The following NUP210 variants were observed in gnomAD, a reference collection of about 807,000 sequenced individuals.
The protein encoded by NUP210 is nucleoporin 210, also known as nuclear pore membrane glycoprotein 210.
NUP210 carries 151 observed loss-of-function variants against 196.0 expected under a neutral mutation model. That is an observed-to-expected ratio of 0.77 (90% CI 0.67 to 0.88). The LOEUF (loss-of-function observed/expected upper bound fraction) is 0.88. Among genes scored for constraint, NUP210 ranks in the 40% least tolerant of loss-of-function variants. The pLI, the probability that NUP210 is intolerant of heterozygous loss-of-function variation, is 0.00. For synonymous variants in NUP210, 1,070 were observed against 1,052.7 expected (o/e 1.02, Z -0.32); for missense variants, 2,314 against 2,493.7 (o/e 0.93, Z 1.53).
intron 1 of NUP210, among the ~76,000 whole-genome samples, chr3:13,401,419 T>C (rs914257294): frequency 1.3e-5 from 2 of 151,870 alleles, no homozygotes; most frequent in African/African-American, 4.8e-5. Context: ...CTGGCCACAA[T>C]GGGCTGCGGC....
At chr3:13,345,367 G>C (rs1399419543) in intron 20 of NUP210, among the ~76,000 whole-genome samples, 6 of 152,230 alleles carry the variant, frequency 3.9e-5, no homozygotes, top group African/African-American at 1.4e-4. Flanking sequence ...CAGAGCTGGG[G>C]ATAGAACCAA....
At chr3:13,372,561 C>T (rs1199483988) in intron 12 of NUP210, among the ~76,000 whole-genome samples, 5 of 152,098 alleles carry the variant, frequency 3.3e-5, no homozygotes, top group Non-Finnish European at 7.4e-5. Flanking sequence ...CCAGGGCAGG[C>T]GTGTTAGGAC....
rs766830437 is a variant in NUP210, at chr3:13,376,295, T to C, written c.1289A>G (p.Asp430Gly). ...GCAGGGGAGACACCAACTTGCCTGG[T>C]CCACCACAGAGGTGAGGGCCGCGTC... The part of the protein sequence containing the change: ...AIDAALTSVV[D>G]QDGGVHILQV... Residue 430 changes from aspartate to glycine, a missense_variant, in exon 10 of 40, where the codon GAC becomes GGC. Coordinates refer to ENST00000254508, the MANE Select transcript of NUP210 (RefSeq NM_024923.4). 5.6e-6 allele frequency: 9 copies of C among 1,613,464 alleles called. No individual in the cohort carries two copies. The South Asian group carries it at 9.9e-5, about 18-fold the overall frequency.
In NUP210 at chr3:13,316,773, G is replaced by A. The variant is rs1696289526; in HGVS notation, c.*908C>T. 1 of 152,362 alleles carries A rather than the reference G, an allele frequency of 6.6e-6. No individual in the cohort carries two copies. Among genetic ancestry groups the A allele is most frequent in the Admixed American group, 6.5e-5 (1 of 15,288 alleles). The allele number at this position is 152,362 out of a possible 1,614,324, so 9.4% of individuals were successfully genotyped here. On this transcript the variant is annotated 3_prime_UTR_variant, in exon 40 of 40. Coordinates refer to ENST00000254508, the MANE Select transcript of NUP210 (RefSeq NM_024923.4). ...CTCAGATCTGCTGAGGTTCTGGAGT[G>A]GCACAGGAACAGGAGGAGCAAATGA...
rs149383490 is a variant in NUP210 at position 13,325,550 on chromosome 3, C to T, written c.4644+245G>A. ...ACCCAAGCCCATGGGAGCTGGAATC[C>T]ACCCTACAAGGCTGCCTGTCCTCAT... On this transcript the variant is annotated intron_variant, in intron 33 of 39. Coordinates refer to ENST00000254508, the MANE Select transcript of NUP210 (RefSeq NM_024923.4). 1.4e-4 allele frequency among the ~76,000 whole-genome samples: 21 copies of T among 152,280 alleles called. No homozygotes were observed. In the East Asian group the frequency reaches 3.9e-3, roughly 28 times the overall value.
At chr3:13,381,849 G>A (rs1048790226) in intron 6 of NUP210, among the ~76,000 whole-genome samples, 6 of 151,796 alleles carry the variant, frequency 4.0e-5, no homozygotes, top group African/African-American at 7.3e-5. Context: ...TTCTGTCAGC[G>A]CCCCCACTCC....
At chr3:13,378,521 T>G (rs1698996484) in intron 8 of NUP210, among the ~76,000 whole-genome samples, 1 of 152,228 alleles carries the variant, frequency 6.6e-6, no homozygotes, top group African/African-American at 2.4e-5. Flanking sequence ...CTCCCCTCCC[T>G]GCTAAGGTAC....
intron 1 of NUP210, among the ~76,000 whole-genome samples, chr3:13,416,120 G>A (rs892009299): frequency 1.3e-5 from 2 of 152,152 alleles, no homozygotes; most frequent in Non-Finnish European, 2.9e-5. Context: ...ACCTGTTTGA[G>A]AATCCTTACA....
chr3:13,358,152 G>A (rs572823669), intron 16 of NUP210, 70 bp downstream of exon 16: 3 of 1,427,438 alleles, frequency 2.1e-6, no homozygotes, highest in Middle Eastern at 5.1e-4. Flanking sequence ...GACCATGGGC[G>A]AGGCCACCAA....
chr3:13,371,224 C>T (rs1698719210), intron 13 of NUP210, among the ~76,000 whole-genome samples: 1 of 152,228 alleles, frequency 6.6e-6, no homozygotes, highest in Non-Finnish European at 1.5e-5. Context: ...GCACCCCATC[C>T]CTGTCCCAGG....
At chr3:13,372,132 G>A in intron 12 of NUP210, 100 bp from the exon 13 acceptor site, 1 of 1,132,772 alleles carries the variant, frequency 8.8e-7, no homozygotes. Flanking sequence ...GAGCACTGAG[G>A]ATACATCTGT....
chr3:13,393,937 C>G (rs1015080101), intron 3 of NUP210, among the ~76,000 whole-genome samples: 1 of 152,148 alleles, frequency 6.6e-6, no homozygotes, highest in African/African-American at 2.4e-5. Flanking sequence ...AAACATTTAC[C>G]CAATGCCGGC....
chr3:13,346,749 T>C (rs1401742294), intron 20 of NUP210, among the ~76,000 whole-genome samples: 1 of 152,212 alleles, frequency 6.6e-6, no homozygotes, highest in Admixed American at 6.5e-5. Context: ...TTTTTGAATG[T>C]CACTGGAGTC....
chr3:13,329,521 T>C (rs1415800343), intron 30 of NUP210, among the ~76,000 whole-genome samples: 1 of 152,234 alleles, frequency 6.6e-6, no homozygotes, highest in African/African-American at 2.4e-5. Flanking sequence ...AGTGGTGCAG[T>C]GTCTGGTATA....
At chr3:13,326,383 C>T (rs1288775540) in intron 32 of NUP210, among the ~76,000 whole-genome samples, 1 of 152,138 alleles carries the variant, frequency 6.6e-6, no homozygotes, top group Non-Finnish European at 1.5e-5. Context: ...GTGTGAGGCT[C>T]AGAGCTTTCA....
Position 13,340,327 on chromosome 3 carries a change from T to C in NUP210, c.3229-29A>G. On this transcript the variant is annotated intron_variant, in intron 23 of 39. Transcript: ENST00000254508. The surrounding 1 kb of genome is among the most constrained non-coding windows in gnomAD (Gnocchi z 4.0). ...TTGAGAGACACAGGAGAGAAAGGACTACTGTGCCCCAAGCCCATGGCGCCA... is the reference window on the plus strand; with the variant it reads ...TTGAGAGACACAGGAGAGAAAGGACCACTGTGCCCCAAGCCCATGGCGCCA... The C allele has an allele frequency of 3.1e-6, 5 of 1,604,774 alleles. No homozygotes were observed. The highest frequency in any genetic ancestry group is 4.3e-6 in the Non-Finnish European group (5 of 1,172,400).
intron 15 of NUP210, among the ~76,000 whole-genome samples, chr3:13,359,975 C>T (rs1293902254): frequency 1.3e-5 from 2 of 152,272 alleles, no homozygotes; most frequent in South Asian, 2.1e-4. Flanking sequence ...AACTCAAAGC[C>T]TCCAGCTCTG....
chr3:13,400,044 A>C (rs1699784893), intron 1 of NUP210, among the ~76,000 whole-genome samples, 183 bp from the exon 2 acceptor site: 1 of 152,186 alleles, frequency 6.6e-6, no homozygotes, highest in African/African-American at 2.4e-5. Context: ...AGGCCTCTCC[A>C]GTTAAGACCT....
At chr3:13,324,520 C>T (rs1048361417) in intron 33 of NUP210, among the ~76,000 whole-genome samples, 1 of 152,158 alleles carries the variant, frequency 6.6e-6, no homozygotes, top group Admixed American at 6.5e-5. Context: ...CAGCAAAGGA[C>T]CAGTAGCAGC....
Sources: allele counts gnomAD v4.1 joint callset (sites outside exome capture counted in the v4.1 genomes callset), GRCh38; gene constraint gnomAD v4.1.1; non-coding constraint Gnocchi (gnomAD v3.1); transcripts MANE v1.5; gene names NCBI Gene and HGNC (gene_info 2026-07-23, HGNC 2026-07-21).